FILIP1: variants seen among roughly 807,000 people sequenced by gnomAD.
FILIP1 encodes the protein filamin A interacting protein 1.
Under a neutral mutation model 102.1 loss-of-function variants are expected in FILIP1, and 61 were observed. The ratio of observed to expected loss-of-function variants is 0.60; its 90% CI spans 0.49 to 0.74. The LOEUF (loss-of-function observed/expected upper bound fraction) is 0.74, where lower values mean the gene tolerates loss of function less well. Among genes scored for constraint, FILIP1 ranks in the 30% least tolerant of loss-of-function variants. The pLI is 0.00. For synonymous variants in FILIP1, 491 were observed against 526.9 expected (o/e 0.93, Z 0.93); for missense variants, 1,314 against 1,441.2 (o/e 0.91, Z 1.43).
intron 2 of FILIP1, among the ~76,000 whole-genome samples, chr6:75,400,802 G>A (rs865999778): frequency 1.3e-5 from 2 of 152,024 alleles, no homozygotes; most frequent in African/African-American, 4.8e-5. Flanking sequence ...TTGACAAAAA[G>A]AGACACTTTA....
intron 1 of FILIP1, among the ~76,000 whole-genome samples, chr6:75,416,168 A>G (rs1777263267): frequency 6.6e-6 from 1 of 152,196 alleles, no homozygotes; most frequent in African/African-American, 2.4e-5. Flanking sequence ...ACCATACTTA[A>G]GAAACTAAGG....
chr6:75,413,149 C>T (rs1206789662), intron 2 of FILIP1, among the ~76,000 whole-genome samples: 2 of 152,040 alleles, frequency 1.3e-5, no homozygotes, highest in African/African-American at 2.4e-5. Context: ...AATAGCATTA[C>T]GCAGAAATTA....
At chr6:75,349,770 A>G (rs1774723903) in intron 4 of FILIP1, among the ~76,000 whole-genome samples, 1 of 152,134 alleles carries the variant, frequency 6.6e-6, no homozygotes, top group Admixed American at 6.5e-5. Context: ...GCAGAGCCCC[A>G]GGGATGCAGC....
intron 4 of FILIP1, among the ~76,000 whole-genome samples, chr6:75,343,020 C>T (rs994592349): frequency 7.2e-5 from 11 of 152,094 alleles, no homozygotes; most frequent in African/African-American, 2.7e-4. Context: ...CCCAATGTGA[C>T]CTTATTTAGA....
At chr6:75,372,855 T>C (rs1002960559) in intron 2 of FILIP1, among the ~76,000 whole-genome samples, 2 of 151,628 alleles carry the variant, frequency 1.3e-5, no homozygotes, top group Non-Finnish European at 2.9e-5. Context: ...CCTGGTGCAC[T>C]AGTGGTAGAA....
exon 7 of FILIP1, chr6:75,295,770 TA>T (rs557228127): frequency 5.1e-4 from 239 of 471,670 alleles, no homozygotes; most frequent in Non-Finnish European, 6.6e-4. Context: ...ATTATATCCT[TA>T]AAAAAAAATC....
intron 2 of FILIP1, among the ~76,000 whole-genome samples, chr6:75,379,901 C>T (rs1775854960): frequency 1.3e-5 from 2 of 152,176 alleles, no homozygotes; most frequent in Admixed American, 1.3e-4. Context: ...CATAGGATTG[C>T]TATCTTTTAA....
intron 2 of FILIP1, among the ~76,000 whole-genome samples, chr6:75,402,754 G>A (rs1221624830): frequency 1.3e-5 from 2 of 152,102 alleles, no homozygotes; most frequent in South Asian, 2.1e-4. Flanking sequence ...TGACAGAAAA[G>A]TAGAATCATA....
chr6:75,447,872 A>C (rs1392661024), intron 1 of FILIP1, among the ~76,000 whole-genome samples: 1 of 152,126 alleles, frequency 6.6e-6, no homozygotes, highest in Non-Finnish European at 1.5e-5. Context: ...CTCTTTTCCC[A>C]TTCTTTGAAG....
intron 6 of FILIP1, chr6:75,296,475 T>TTTTTTATTATTA (rs565379089): frequency 9.3e-4 from 130 of 140,392 alleles, no homozygotes; most frequent in African/African-American, 3.2e-3. Context: ...ACTCTATATG[T>TTTTTTATTATTA]TTATTATTAT....
intron 4 of FILIP1, among the ~76,000 whole-genome samples, chr6:75,352,837 T>C (rs1337702571): frequency 1.3e-5 from 2 of 151,510 alleles, no homozygotes; most frequent in Admixed American, 6.6e-5. Context: ...AGGTGCTTCA[T>C]TGATCAAGTT....
chr6:75,428,814 C>T (rs1777720937), intron 1 of FILIP1, among the ~76,000 whole-genome samples: 1 of 152,124 alleles, frequency 6.6e-6, no homozygotes, highest in African/African-American at 2.4e-5. Flanking sequence ...GACATGGTTT[C>T]AGTGTGTGTG....
chr6:75,348,191 T>C (rs561529112), intron 4 of FILIP1, among the ~76,000 whole-genome samples: 1 of 152,220 alleles, frequency 6.6e-6, no homozygotes, highest in African/African-American at 2.4e-5. Flanking sequence ...TAGTGAAGCT[T>C]AAGATTAAAA....
chr6:75,310,789 G>A (rs376476067), intron 5 of FILIP1, among the ~76,000 whole-genome samples: 6 of 152,130 alleles, frequency 3.9e-5, no homozygotes, highest in Non-Finnish European at 7.4e-5. Flanking sequence ...AAGCAGTATC[G>A]GACCACCTGA....
At chr6:75,333,571 AAC>A (rs747175655) in intron 4 of FILIP1, among the ~76,000 whole-genome samples, 5 of 152,176 alleles carry the variant, frequency 3.3e-5, no homozygotes, top group Admixed American at 6.6e-5. Flanking sequence ...CATCACTTTA[AAC>A]ACAGAGACAA....
rs918172569 is a variant in FILIP1, at chr6:75,493,541, T to C, written c.-134A>G. The C allele has an allele frequency of 1.3e-5, 2 of 152,156 alleles. No individual in the cohort carries two copies. Among genetic ancestry groups the C allele is most frequent in the Non-Finnish European group, 2.9e-5 (2 of 68,036 alleles). 9.4% of individuals were successfully genotyped at this position (152,156 alleles called of 1,614,324 possible). The stretch of plus-strand genomic sequence containing the variant: ...TCAAAAACTATCCAGCCCAAAAGAA[T>C]ACAGAGGAAAAAGCTTTTCCCACTT... On this transcript the variant is annotated 5_prime_UTR_variant, in exon 1 of 6. Transcript: ENST00000237172.
chr6:75,426,848 C>G (rs1463685238), intron 1 of FILIP1, among the ~76,000 whole-genome samples: 1 of 152,164 alleles, frequency 6.6e-6, no homozygotes, highest in African/African-American at 2.4e-5. Context: ...GTTTAATGCT[C>G]TGCTGTAGCT....
At chr6:75,443,005 A>C (rs1177193508) in intron 1 of FILIP1, among the ~76,000 whole-genome samples, 1 of 152,232 alleles carries the variant, frequency 6.6e-6, no homozygotes, top group Non-Finnish European at 1.5e-5. Flanking sequence ...TTTATGGTCC[A>C]CAGTGAAAAA....
intron 4 of FILIP1, chr6:75,334,733 C>G (rs1774184452): frequency 6.6e-6 from 1 of 152,164 alleles, no homozygotes; most frequent in African/African-American, 2.4e-5. Context: ...AGGCCTTGCT[C>G]AGCCCCCTAC....
Sources: gnomAD v4.1 joint callset for allele counts (sites outside exome capture counted in the v4.1 genomes callset) on GRCh38, gnomAD v4.1.1 for gene constraint, MANE v1.5 for transcripts, NCBI Gene and HGNC (gene_info 2026-07-23, HGNC 2026-07-21) for gene names.